Variants in ENTPD5 observed in about 807,000 individuals in gnomAD.
The protein encoded by ENTPD5 is nucleoside diphosphate phosphatase ENTPD5.
A neutral mutation model predicts 60.2 loss-of-function variants in ENTPD5; 49 were observed. The observed-to-expected ratio is 0.81, with a 90% CI of 0.65 to 1.03. The LOEUF is 1.03. Among genes scored for constraint, ENTPD5 ranks in the 50% least tolerant of loss-of-function variants. The pLI, the probability that ENTPD5 is intolerant of heterozygous loss-of-function variation, is 0.00. For synonymous variants in ENTPD5, 187 were observed against 185.4 expected (o/e 1.01, Z -0.07); for missense variants, 480 against 507.6 (o/e 0.95, Z 0.52).
intron 15 of ENTPD5, 55 bp from the exon 16 acceptor site, chr14:73,967,069 G>T (rs2057005969): frequency 6.8e-7 from 1 of 1,472,994 alleles, no homozygotes; most frequent in Non-Finnish European, 9.5e-7. Flanking sequence ...ACTCTAGCAA[G>T]CACAGCTCTT....
At chr14:74,013,544 G>T (rs541857548) in intron 2 of ENTPD5, among the ~76,000 whole-genome samples, 1 of 152,188 alleles carries the variant, frequency 6.6e-6, no homozygotes, top group African/African-American at 2.4e-5. Flanking sequence ...TATATTTTAT[G>T]TGTGACCCAA....
chr14:74,005,084 T>G (rs890680248), intron 3 of ENTPD5, among the ~76,000 whole-genome samples: 1 of 151,386 alleles, frequency 6.6e-6, no homozygotes, highest in South Asian at 2.1e-4. Context: ...TTGTTTATTC[T>G]TAGAAAAAAA....
intron 3 of ENTPD5, chr14:73,996,203 T>G (rs1288838753): frequency 1.0e-6 from 1 of 985,228 alleles, no homozygotes; most frequent in Non-Finnish European, 1.2e-6. Flanking sequence ...CAAGCGAGCC[T>G]CATGAACCGC....
At chr14:73,973,230 C>A (rs1038776201) in intron 12 of ENTPD5, among the ~76,000 whole-genome samples, 1 of 152,234 alleles carries the variant, frequency 6.6e-6, no homozygotes, top group African/African-American at 2.4e-5. Flanking sequence ...GGCCGCTCTC[C>A]TGCCTAATCT....
Position 73,973,002 on chromosome 14 carries a change from G to A in ENTPD5, c.909C>T (p.Cys303=). The stretch of plus-strand genomic sequence containing the variant: ...GTACCACCCTCAGCACTTCGGCATA[G>A]CAGGGCTCAAAGCCCACCTCCCCTG... The part of the protein sequence containing the change: ...NQEGEVGFEP[C]YAEVLRVVRG... Residue 303 remains cysteine, a synonymous_variant, in exon 13 of 16, where the codon TGC becomes TGT. Transcript: ENST00000334696. 1 of 1,614,192 alleles carries A rather than the reference G, an allele frequency of 6.2e-7. No individual in the cohort carries two copies. Among genetic ancestry groups the A allele is most frequent in the Non-Finnish European group, 8.5e-7 (1 of 1,180,034 alleles).
At chr14:73,961,118 T>C (rs2056704607), downstream of ENTPD5, 2 of 1,571,298 alleles carry the variant, frequency 1.3e-6, no homozygotes, top group African/African-American at 1.3e-5. Flanking sequence ...ATTGAATTTT[T>C]AATTCCCTGC....
intron 3 of ENTPD5, chr14:74,003,324 TAA>T (rs1401824390): frequency 1.3e-5 from 6 of 472,094 alleles, no homozygotes; most frequent in Admixed American, 2.7e-5. Flanking sequence ...TGGAATTCAA[TAA>T]AAACTGACAA....
chr14:73,982,432 A>T (rs903000517), intron 6 of ENTPD5, among the ~76,000 whole-genome samples: 1 of 152,120 alleles, frequency 6.6e-6, no homozygotes, highest in African/African-American at 2.4e-5. Flanking sequence ...ATTAGAAACG[A>T]CTTCTGATTC....
downstream of ENTPD5, chr14:73,956,048 GGT>G (rs2056415204): frequency 8.2e-6 from 12 of 1,472,198 alleles, no homozygotes; most frequent in East Asian, 6.9e-5. Context: ...CTGATGGCCG[GGT>G]GCGGTGGCTC....
At chr14:74,007,843 T>C (rs1247059851) in intron 3 of ENTPD5, 3 of 148,512 alleles carry the variant, frequency 2.0e-5, no homozygotes, top group African/African-American at 7.6e-5. Context: ...TTTTTTTTTT[T>C]TTTTTGAGAT....
chr14:73,978,774 A>G (rs1297519878), intron 6 of ENTPD5, among the ~76,000 whole-genome samples: 1 of 150,234 alleles, frequency 6.7e-6, no homozygotes, highest in African/African-American at 2.5e-5. Context: ...GCCGGGCATG[A>G]TGGCGCATGC....
chr14:73,980,935 TA>T (rs2057662748), intron 6 of ENTPD5, among the ~76,000 whole-genome samples: 1 of 151,642 alleles, frequency 6.6e-6, no homozygotes, highest in Non-Finnish European at 1.5e-5. Context: ...CCATCTCTAC[TA>T]AAATATACAA....
At chr14:73,985,953 T>C (rs1309447129) in intron 5 of ENTPD5, among the ~76,000 whole-genome samples, 1 of 150,992 alleles carries the variant, frequency 6.6e-6, no homozygotes. Flanking sequence ...ATGCCTGTAG[T>C]CCCAGCTACT....
At chr14:73,977,265 C>T (rs1429830671) in intron 7 of ENTPD5, 34 bp downstream of exon 7, 1 of 1,541,812 alleles carries the variant, frequency 6.5e-7, no homozygotes, top group Admixed American at 1.7e-5. Context: ...TCCTGCCCCT[C>T]TCCCCCTGGA....
chr14:74,015,184 C>T (rs901499830), intron 2 of ENTPD5, among the ~76,000 whole-genome samples: 1 of 151,922 alleles, frequency 6.6e-6, no homozygotes, highest in Non-Finnish European at 1.5e-5. Flanking sequence ...TAAAGTTGTT[C>T]ACTTAGACTG....
At chr14:74,008,778 G>T (rs573228544) in intron 3 of ENTPD5, among the ~76,000 whole-genome samples, 1 of 152,126 alleles carries the variant, frequency 6.6e-6, no homozygotes, top group Non-Finnish European at 1.5e-5. Flanking sequence ...TGATCCTCCT[G>T]CCTCAGCCTT....
chr14:73,976,985 G>A, intron 8 of ENTPD5, 39 bp downstream of exon 8: 1 of 1,551,858 alleles, frequency 6.4e-7, no homozygotes, highest in Non-Finnish European at 8.9e-7. Context: ...GCATGTAAAA[G>A]CTAGTTAAGC....
chr14:73,990,950 A>G (rs145256902), intron 3 of ENTPD5, among the ~76,000 whole-genome samples: 1 of 152,148 alleles, frequency 6.6e-6, no homozygotes, highest in African/African-American at 2.4e-5. Context: ...AATTGCTTGA[A>G]ACCGGGAAGC....
Position 73,971,116 on chromosome 14 carries a change from G to GAA in ENTPD5, c.1084+734_1084+735dup, listed in dbSNP as rs565596617. Among the ~76,000 whole-genome samples the GAA allele has an allele frequency of 1.1e-4, 17 of 148,684 alleles. No individual in the cohort carries two copies. The East Asian group carries it at 3.3e-3, about 29-fold the overall frequency. The stretch of plus-strand genomic sequence containing the variant: ...AAAAAGAAAGCAAGAAATGTAGAAG[G>GAA]AAAAAAAAGGTCTTCACCATTTCCC... On this transcript the variant is annotated intron_variant, in intron 14 of 15. Transcript: ENST00000334696.
Sources: gnomAD v4.1 joint callset for allele counts (sites outside exome capture counted in the v4.1 genomes callset) on GRCh38, gnomAD v4.1.1 for gene constraint, MANE v1.5 for transcripts, NCBI Gene and HGNC (gene_info 2026-07-23, HGNC 2026-07-21) for gene names.